ANKRD31: variants seen among roughly 807,000 people sequenced by gnomAD.
ANKRD31 encodes ankyrin repeat domain-containing protein 31.
ANKRD31 carries 147 observed loss-of-function variants against 186.0 expected under a neutral mutation model. That is an observed-to-expected ratio of 0.79 (90% confidence interval 0.69 to 0.91). The LOEUF is 0.91. Ranked by LOEUF, ANKRD31 falls within the 40% of genes least tolerant of loss-of-function variation. The pLI, the probability that ANKRD31 is intolerant of heterozygous loss-of-function variation, is 0.00. For missense variants in ANKRD31, 1,986 were observed against 2,148.8 expected (o/e 0.92, Z 1.50); for synonymous variants, 673 against 736.4 (o/e 0.91, Z 1.39).
At chr5:75,173,706 T>C (rs4704180) in intron 10 of ANKRD31, among the ~76,000 whole-genome samples, 76,723 of 151,870 alleles carry the variant, frequency 0.51, 22,306 homozygotes, top group African/African-American at 0.81. Flanking sequence ...AGGAGAACTA[T>C]AAACCACTGC....
At chr5:75,177,126 G>C (rs893411267) in intron 10 of ANKRD31, among the ~76,000 whole-genome samples, 7 of 152,104 alleles carry the variant, frequency 4.6e-5, no homozygotes, top group African/African-American at 1.7e-4. Context: ...TGGAAGAAAG[G>C]GTATCAGCGA....
chr5:75,224,505 T>C (rs1316165261), intron 2 of ANKRD31, among the ~76,000 whole-genome samples: 1 of 152,096 alleles, frequency 6.6e-6, no homozygotes, highest in Middle Eastern at 3.4e-3. Flanking sequence ...CACACACATA[T>C]ATATGGAAAT....
intron 11 of ANKRD31, among the ~76,000 whole-genome samples, chr5:75,163,542 A>C (rs1302646098): frequency 6.6e-6 from 1 of 152,228 alleles, no homozygotes; most frequent in African/African-American, 2.4e-5. Context: ...GTTGTGTGCC[A>C]GTGTGTTGAC....
At chr5:75,136,212 C>A (rs1750563196) in intron 17 of ANKRD31, among the ~76,000 whole-genome samples, 1 of 152,178 alleles carries the variant, frequency 6.6e-6, no homozygotes, top group Non-Finnish European at 1.5e-5. Context: ...AAACTACCAT[C>A]AGAGTGAACA....
At chr5:75,222,527 G>T (rs113062084) in intron 2 of ANKRD31, among the ~76,000 whole-genome samples, 169 bp from the exon 3 acceptor site, 274 of 152,022 alleles carry the variant, frequency 1.8e-3, no homozygotes, top group African/African-American at 5.7e-3. Context: ...GAACGTGCAG[G>T]TTTGTTACAT....
intron 22 of ANKRD31, among the ~76,000 whole-genome samples, chr5:75,096,861 T>C (rs59825428): frequency 0.048 from 7,099 of 149,064 alleles, 415 homozygotes; most frequent in African/African-American, 0.14. Flanking sequence ...CACTCTGTGT[T>C]CAAGTGTTCT....
intron 9 of ANKRD31, 145 bp from the exon 10 acceptor site, chr5:75,188,793 A>G (rs529892685): frequency 3.0e-6 from 2 of 659,110 alleles, no homozygotes; most frequent in East Asian, 5.9e-5. Flanking sequence ...AGTGAAGTAT[A>G]TTATGAGAAT....
chr5:75,119,251 C>T (rs528427000), intron 17 of ANKRD31, among the ~76,000 whole-genome samples: 1 of 152,228 alleles, frequency 6.6e-6, no homozygotes, highest in East Asian at 1.9e-4. Context: ...TTGCCGTCCT[C>T]CCTCTCTCCC....
At chr5:75,075,888 G>A (rs1013940305) in intron 25 of ANKRD31, among the ~76,000 whole-genome samples, 25 of 152,244 alleles carry the variant, frequency 1.6e-4, no homozygotes, top group African/African-American at 5.3e-4. Context: ...AATTATTACT[G>A]TCCCATGGAA....
chr5:75,225,783 G>A (rs1757589667), intron 2 of ANKRD31: 1 of 156,628 alleles, frequency 6.4e-6, no homozygotes, highest in Admixed American at 6.5e-5. Context: ...GAAAGGTAGA[G>A]GGAAAAGTAA....
chr5:75,076,038 T>C (rs934563198), intron 25 of ANKRD31, among the ~76,000 whole-genome samples: 3 of 132,378 alleles, frequency 2.3e-5, no homozygotes, highest in Non-Finnish European at 4.6e-5. Flanking sequence ...GAATGAAACA[T>C]TGCTTACTCT....
At chr5:75,228,773 TA>T (rs1043054507) in intron 2 of ANKRD31, among the ~76,000 whole-genome samples, 2 of 151,986 alleles carry the variant, frequency 1.3e-5, no homozygotes, top group Non-Finnish European at 2.9e-5. Flanking sequence ...GAAAAGAAAA[TA>T]AAAAAACTTG....
At chr5:75,087,283 G>A (rs535682742) in intron 23 of ANKRD31, among the ~76,000 whole-genome samples, 4 of 152,026 alleles carry the variant, frequency 2.6e-5, no homozygotes, top group Admixed American at 2.0e-4. Flanking sequence ...AGGCCGATGT[G>A]GGGGGATCCC....
intron 21 of ANKRD31, among the ~76,000 whole-genome samples, chr5:75,106,242 A>C (rs895851471): frequency 1.3e-5 from 2 of 152,116 alleles, no homozygotes; most frequent in Admixed American, 1.3e-4. Context: ...TTATTAAAAA[A>C]TAGTTTTGAC....
At chr5:75,177,274 G>C (rs1206946603) in intron 10 of ANKRD31, among the ~76,000 whole-genome samples, 2 of 152,198 alleles carry the variant, frequency 1.3e-5, no homozygotes, top group African/African-American at 2.4e-5. Context: ...ACCTGAAAGT[G>C]ACAGGGAGAA....
At chr5:75,086,444 T>C (rs1317809203) in intron 23 of ANKRD31, among the ~76,000 whole-genome samples, 2 of 152,214 alleles carry the variant, frequency 1.3e-5, no homozygotes, top group Admixed American at 6.5e-5. Flanking sequence ...CATTTGTGTA[T>C]GACTCAAACT....
At chr5:75,161,270 G>A (rs1752557095) in intron 11 of ANKRD31, among the ~76,000 whole-genome samples, 1 of 152,160 alleles carries the variant, frequency 6.6e-6, no homozygotes, top group Non-Finnish European at 1.5e-5. Flanking sequence ...ATGGAGATGA[G>A]GACCTTGTTG....
At chr5:75,092,493 G>A (rs1349681336) in intron 22 of ANKRD31, among the ~76,000 whole-genome samples, 1 of 152,142 alleles carries the variant, frequency 6.6e-6, no homozygotes, top group Non-Finnish European at 1.5e-5. Context: ...GGGTGGTCAG[G>A]GAGGTCAGGG....
intron 16 of ANKRD31, 28 bp from the exon 17 acceptor site, chr5:75,138,026 C>T (rs1207756649): frequency 3.9e-6 from 5 of 1,288,728 alleles, no homozygotes; most frequent in African/African-American, 1.7e-5. Context: ...AAAAAAAAAA[C>T]CCTGCTTCAT....
Sources: allele counts gnomAD v4.1 joint callset (sites outside exome capture counted in the v4.1 genomes callset), GRCh38; gene constraint gnomAD v4.1.1; transcripts MANE v1.5; gene names NCBI Gene and HGNC (gene_info 2026-07-23, HGNC 2026-07-21).